Variants in SPOCK3 observed in about 807,000 individuals in gnomAD.
SPOCK3 encodes the protein testican-3.
SPOCK3 carries 30 observed loss-of-function variants against 56.6 expected under a neutral mutation model. The observed-to-expected ratio is 0.53, with a 90% CI of 0.40 to 0.72. The LOEUF (loss-of-function observed/expected upper bound fraction) is 0.72. Among genes scored for constraint, SPOCK3 ranks in the 30% least tolerant of loss-of-function variants. SPOCK3 has a pLI of 0.00. For synonymous variants in SPOCK3, 196 were observed against 183.3 expected (o/e 1.07, Z -0.56); for missense variants, 527 against 530.0 (o/e 0.99, Z 0.06).
chr4:166,742,234 CATCTATCTATCTATCT>C (rs3077121), intron 8 of SPOCK3, among the ~76,000 whole-genome samples, 175 bp from the exon 9 acceptor site: 116 of 121,960 alleles, frequency 9.5e-4, no homozygotes, highest in African/African-American at 1.6e-3. Context: ...GTCTATCTAT[CATCTATCTATCTATCT>C]ATCTATCTAT....
At chr4:167,005,847 T>C (rs1478263044) in intron 3 of SPOCK3, among the ~76,000 whole-genome samples, 1 of 152,200 alleles carries the variant, frequency 6.6e-6, no homozygotes, top group African/African-American at 2.4e-5. Flanking sequence ...TAAATTAATT[T>C]ATGATTTTAA....
chr4:167,218,169 A>C (rs1253982208), intron 2 of SPOCK3, among the ~76,000 whole-genome samples: 1 of 152,150 alleles, frequency 6.6e-6, no homozygotes, highest in African/African-American at 2.4e-5. Flanking sequence ...CTTAAAAGCT[A>C]TTCAGGGGCA....
At chr4:166,908,919 T>C (rs2127085019) in intron 5 of SPOCK3, among the ~76,000 whole-genome samples, 1 of 152,226 alleles carries the variant, frequency 6.6e-6, no homozygotes, top group Admixed American at 6.6e-5. Flanking sequence ...ATTTCAAGAA[T>C]GATTACCTCT....
intron 2 of SPOCK3, among the ~76,000 whole-genome samples, chr4:167,091,552 T>G (rs1019339526): frequency 1.3e-5 from 2 of 152,186 alleles, no homozygotes; most frequent in African/African-American, 2.4e-5. Context: ...CATATATAAT[T>G]TAAAATATGA....
intron 3 of SPOCK3, among the ~76,000 whole-genome samples, chr4:167,012,586 T>G (rs1024487289): frequency 2.0e-5 from 3 of 151,982 alleles, no homozygotes; most frequent in Admixed American, 1.3e-4. Context: ...ACAGTTATCA[T>G]GATTTAAAAG....
intron 8 of SPOCK3, among the ~76,000 whole-genome samples, chr4:166,743,548 G>A (rs935023662): frequency 2.6e-5 from 4 of 152,198 alleles, no homozygotes; most frequent in African/African-American, 9.6e-5. Flanking sequence ...GAGCGACGCA[G>A]AAGACGGGTG....
At chr4:167,042,022 C>G (rs1419508947) in intron 3 of SPOCK3, among the ~76,000 whole-genome samples, 1 of 152,102 alleles carries the variant, frequency 6.6e-6, no homozygotes, top group African/African-American at 2.4e-5. Flanking sequence ...AAAGTATATT[C>G]AAAATTCCAT....
intron 2 of SPOCK3, among the ~76,000 whole-genome samples, chr4:167,165,167 T>C (rs572204614): frequency 6.6e-6 from 1 of 152,214 alleles, no homozygotes; most frequent in African/African-American, 2.4e-5. Context: ...ACTTCATGAC[T>C]AAATCACTAA....
chr4:167,046,125 G>A (rs1047519515), intron 3 of SPOCK3, among the ~76,000 whole-genome samples: 4 of 151,960 alleles, frequency 2.6e-5, no homozygotes, highest in Non-Finnish European at 5.9e-5. Context: ...TCAGCATGTT[G>A]ATTTTTTGAC....
At position 166,840,108 on chromosome 4, in the gene SPOCK3, T is replaced by C. The variant is rs138987962; in HGVS notation, c.590-47819A>G. Among the ~76,000 whole-genome samples, 143 of 152,352 alleles carry C rather than the reference T, an allele frequency of 9.4e-4. 1 individual carries two copies. Among genetic ancestry groups the C allele is most frequent in the African/African-American group, 3.2e-3 (134 of 41,586 alleles). ...TATCCCAATGCAGAATTCCCAGTAA[T>C]ATCTTCAGTAGGAAAAAGTAGTGGT... On this transcript the variant is annotated intron_variant, in intron 6 of 10. Transcript: ENST00000357545.
At chr4:166,743,815 C>A (rs140922083) in intron 8 of SPOCK3, among the ~76,000 whole-genome samples, 34 of 152,306 alleles carry the variant, frequency 2.2e-4, no homozygotes, top group African/African-American at 5.3e-4. Context: ...TATCCTGCGC[C>A]TGGTTTGGTG....
chr4:167,012,138 A>G (rs1411383078), intron 3 of SPOCK3, among the ~76,000 whole-genome samples: 2 of 151,986 alleles, frequency 1.3e-5, no homozygotes, highest in Non-Finnish European at 2.9e-5. Context: ...TTAATAATTA[A>G]AAATGAAAAT....
At chr4:167,229,660 A>G (rs927703251) in intron 2 of SPOCK3, among the ~76,000 whole-genome samples, 1 of 152,102 alleles carries the variant, frequency 6.6e-6, no homozygotes, top group African/African-American at 2.4e-5. Flanking sequence ...CTTACTATTC[A>G]ACACCCACAA....
intron 6 of SPOCK3, among the ~76,000 whole-genome samples, chr4:166,833,381 G>A (rs1048805931): frequency 6.6e-5 from 10 of 152,040 alleles, no homozygotes; most frequent in African/African-American, 1.9e-4. Context: ...TATTATTCAG[G>A]TCTTCTATAA....
At chr4:167,139,068 T>C (rs1158982515) in intron 2 of SPOCK3, among the ~76,000 whole-genome samples, 1 of 151,966 alleles carries the variant, frequency 6.6e-6, no homozygotes, top group African/African-American at 2.4e-5. Flanking sequence ...AAGACCTTAT[T>C]ACTAGGTTAC....
At chr4:166,959,607 G>T (rs1324565761) in intron 4 of SPOCK3, among the ~76,000 whole-genome samples, 1 of 95,294 alleles carries the variant, frequency 1.0e-5, no homozygotes. Flanking sequence ...GCAAGAGTTC[G>T]TCTCAAAAAA....
At chr4:166,777,589 C>A (rs1398548145) in intron 7 of SPOCK3, among the ~76,000 whole-genome samples, 8 of 152,032 alleles carry the variant, frequency 5.3e-5, no homozygotes, top group Admixed American at 4.6e-4. Flanking sequence ...AGAAACTAAG[C>A]CAGTTGTGGT....
At chr4:166,939,583 G>A (rs1049113382) in intron 4 of SPOCK3, among the ~76,000 whole-genome samples, 1 of 152,168 alleles carries the variant, frequency 6.6e-6, no homozygotes, top group African/African-American at 2.4e-5. Flanking sequence ...TCTGCAGGAA[G>A]AGAAGTTATT....
intron 2 of SPOCK3, among the ~76,000 whole-genome samples, chr4:167,141,708 A>G (rs1173968126): frequency 6.6e-6 from 1 of 152,040 alleles, no homozygotes; most frequent in African/African-American, 2.4e-5. Flanking sequence ...AGATCAGTAA[A>G]TTAGAGGGCA....
Sources: allele counts gnomAD v4.1 joint callset (sites outside exome capture counted in the v4.1 genomes callset), GRCh38; gene constraint gnomAD v4.1.1; transcripts MANE v1.5; gene names NCBI Gene and HGNC (gene_info 2026-07-23, HGNC 2026-07-21).